The following UFM1 variants were observed in gnomAD, a reference collection of about 807,000 sequenced individuals.
UFM1 encodes ubiquitin-fold modifier 1.
UFM1 carries 9 observed loss-of-function variants against 15.4 expected under a neutral mutation model. The ratio of observed to expected loss-of-function variants is 0.59; its 90% CI spans 0.35 to 1.02. The LOEUF (loss-of-function observed/expected upper bound fraction) is 1.02. Ranked by LOEUF, UFM1 falls within the 50% of genes least tolerant of loss-of-function variation. The probability of loss-of-function intolerance (pLI) is 0.02; values close to 1 mark genes in which losing one functional copy is unlikely to be tolerated. For missense variants in UFM1, 98 were observed against 104.7 expected (o/e 0.94, Z 0.28); for synonymous variants, 27 against 36.3 (o/e 0.74, Z 0.92).
At chr13:38,354,619 A>T (rs1350241005) in intron 3 of UFM1, 2 of 196,088 alleles carry the variant, frequency 1.0e-5, no homozygotes, top group Non-Finnish European at 2.0e-5. Context: ...TATATTCTAT[A>T]TACTCATATT....
chr13:38,359,155 G>A, intron 4 of UFM1, 146 bp from the exon 5 acceptor site: 1 of 591,384 alleles, frequency 1.7e-6, no homozygotes, highest in Non-Finnish European at 2.9e-6. Flanking sequence ...TTACCTGAAA[G>A]ATTGTCACTC....
At chr13:38,350,218 G>C (rs750105365) in intron 2 of UFM1, 163 bp downstream of exon 2, 1 of 1,610,158 alleles carries the variant, frequency 6.2e-7, no homozygotes, top group Non-Finnish European at 8.5e-7. Context: ...ACCGGAGCCT[G>C]CGAGGAGAGG....
intron 3 of UFM1, among the ~76,000 whole-genome samples, chr13:38,357,664 A>T (rs1879168656): frequency 6.6e-6 from 1 of 152,026 alleles, no homozygotes; most frequent in African/African-American, 2.4e-5. Flanking sequence ...GTTGACTGGA[A>T]GCCTTACTGA....
At chr13:38,354,785 A>AT (rs981862673) in intron 3 of UFM1, 1 of 151,942 alleles carries the variant, frequency 6.6e-6, no homozygotes, top group East Asian at 1.9e-4. Context: ...ATAAGAAACA[A>AT]TTTTTTTCAT....
At chr13:38,355,256 G>C (rs1879044730) in intron 3 of UFM1, among the ~76,000 whole-genome samples, 1 of 151,956 alleles carries the variant, frequency 6.6e-6, no homozygotes, top group Non-Finnish European at 1.5e-5. Context: ...GTATTGTCAG[G>C]AATCACTAAC....
chr13:38,359,358 G>C (rs1286577843), intron 5 of UFM1, 25 bp downstream of exon 5: 1 of 1,610,352 alleles, frequency 6.2e-7, no homozygotes, highest in Non-Finnish European at 8.5e-7. Flanking sequence ...ACTCATAGAG[G>C]AGTGGGTGGG....
Position 38,349,857 on chromosome 13 carries a change from C to A in UFM1, c.-63C>A. The A allele has an allele frequency of 1.2e-6, 2 of 1,613,628 alleles. No individual in the cohort carries two copies. The highest frequency in any genetic ancestry group is 1.7e-6 in the Non-Finnish European group (2 of 1,179,590). On this transcript the variant is annotated 5_prime_UTR_variant, in exon 1 of 6. Transcript: ENST00000239878. Reference sequence around the variant, plus strand: ...GTGGAGCGGGGCGGTCCCCAGCACACTAGAGGAAGTCGTGCTACCCCCGCG... The same window carrying A: ...GTGGAGCGGGGCGGTCCCCAGCACAATAGAGGAAGTCGTGCTACCCCCGCG...
At chr13:38,350,243 C>T (rs746099519) in intron 2 of UFM1, 188 bp downstream of exon 2, 10 of 1,598,902 alleles carry the variant, frequency 6.3e-6, no homozygotes, top group Non-Finnish European at 7.7e-6. Context: ...TACTTGCTCG[C>T]TAAGTGTCAG....
chr13:38,360,854 G>A lies in UFM1; in HGVS notation c.*76G>A, dbSNP rs1287212883. The A allele has an allele frequency of 7.9e-7, 1 of 1,262,280 alleles. No individual in the cohort carries two copies. The highest frequency in any genetic ancestry group is 1.1e-6 in the Non-Finnish European group (1 of 872,240). The allele number at this position is 1,262,280 out of a possible 1,614,324, so 78.2% of individuals were successfully genotyped here. A position where few individuals can be genotyped will look rare whatever the true frequency, so the allele number is the denominator to read the frequency against. ...TTTTGTTGTTGTAAAATTGAAATCA[G>A]GCATTTAACATACTATGAAAACACC... On this transcript the variant is annotated 3_prime_UTR_variant, in exon 6 of 6. Coordinates refer to ENST00000239878, the MANE Select transcript of UFM1 (RefSeq NM_016617.4).
rs1186157239 is a variant in UFM1, at chr13:38,363,347, T to G, written c.*2569T>G. 1 of 152,184 alleles carries G rather than the reference T, an allele frequency of 6.6e-6. No individual in the cohort carries two copies. Among genetic ancestry groups the G allele is most frequent in the Non-Finnish European group, 1.5e-5 (1 of 68,040 alleles). The allele number at this position is 152,184 out of a possible 1,614,324, so 9.4% of individuals were successfully genotyped here. On this transcript the variant is annotated 3_prime_UTR_variant, in exon 6 of 6. Transcript: ENST00000239878. ...TAGGCCATACCAAATAGCCTAAGTT[T>G]GTAGTAGGTGACATCAACTAGGTTT... is the stretch of plus-strand genomic sequence containing the variant.
chr13:38,358,128 C>T lies in UFM1; in HGVS notation c.153C>T (p.Thr51=). Residue 51 remains threonine (T), a synonymous_variant, in exon 4 of 6, where the codon ACC becomes ACT. Transcript: ENST00000239878. ...CTGCTGCAACAAGTGCAATTATTACCAATGGTAAGAATTCACTATAAAATT... is the reference window on the plus strand; with the variant it reads ...CTGCTGCAACAAGTGCAATTATTACTAATGGTAAGAATTCACTATAAAATT... The part of the protein sequence containing the change: ...KVPAATSAII[T]NDGIGINPAQ... The T allele has an allele frequency of 2.1e-6, 3 of 1,438,626 alleles. No homozygotes were observed. Among genetic ancestry groups the T allele is most frequent in the Non-Finnish European group, 2.8e-6 (3 of 1,080,400 alleles). 89.1% of individuals were successfully genotyped at this position (1,438,626 alleles called of 1,614,324 possible).
intron 3 of UFM1, among the ~76,000 whole-genome samples, chr13:38,357,430 A>G (rs562291827): frequency 6.8e-4 from 103 of 151,964 alleles, no homozygotes; most frequent in African/African-American, 2.3e-3. Flanking sequence ...GTGGTTTTTC[A>G]TTTTTGTAAT....
chr13:38,358,817 AGT>A (rs1183881755), intron 4 of UFM1, among the ~76,000 whole-genome samples: 1 of 151,972 alleles, frequency 6.6e-6, no homozygotes, highest in Non-Finnish European at 1.5e-5. Context: ...GTCACATTGA[AGT>A]GTTTCTCTGT....
intron 2 of UFM1, among the ~76,000 whole-genome samples, chr13:38,351,684 A>G (rs1405021229): frequency 2.0e-5 from 3 of 152,184 alleles, no homozygotes; most frequent in Non-Finnish European, 4.4e-5. Context: ...TCAATATGCA[A>G]ATGTACTCGA....
chr13:38,362,805 T>C lies in UFM1; in HGVS notation c.*2027T>C, dbSNP rs560968544. 9 of 152,304 alleles carry C rather than the reference T, an allele frequency of 5.9e-5. No individual in the cohort carries two copies. Among genetic ancestry groups the C allele is most frequent in the Admixed American group, 3.3e-4 (5 of 15,298 alleles). The allele number at this position is 152,304 out of a possible 1,614,324, so 9.4% of individuals were successfully genotyped here. On this transcript the variant is annotated 3_prime_UTR_variant, in exon 6 of 6. Coordinates refer to ENST00000239878, the MANE Select transcript of UFM1 (RefSeq NM_016617.4). ...TGTTGTCCTGTGCCATAAAGTGATA[T>C]ATTTAATATTTTTATTCTTTGGTTT...
At chr13:38,356,701 CAAAA>C (rs35105286) in intron 3 of UFM1, among the ~76,000 whole-genome samples, 4 of 107,930 alleles carry the variant, frequency 3.7e-5, no homozygotes, top group Non-Finnish European at 7.1e-5. Flanking sequence ...TTAGTACCAC[CAAAA>C]AAAAAAAAAA....
intron 4 of UFM1, 29 bp from the exon 5 acceptor site, chr13:38,359,272 T>C (rs758863753): frequency 1.7e-5 from 27 of 1,601,316 alleles, no homozygotes; most frequent in Non-Finnish European, 2.1e-5. Context: ...TTAGAAATAA[T>C]GTATGTGATT....
chr13:38,350,261 G>C (rs764320402), intron 2 of UFM1: 43 of 1,572,856 alleles, frequency 2.7e-5, no homozygotes, highest in Admixed American at 3.7e-5. Context: ...CAGCTTGGCA[G>C]CTTGGCCCCG....
intron 2 of UFM1, among the ~76,000 whole-genome samples, chr13:38,350,924 A>T (rs1325576922): frequency 1.3e-5 from 2 of 152,194 alleles, no homozygotes; most frequent in Non-Finnish European, 2.9e-5. Flanking sequence ...TCAGGTGTTC[A>T]TGGTTGCAGC....
Sources: allele counts gnomAD v4.1 joint callset (sites outside exome capture counted in the v4.1 genomes callset), GRCh38; gene constraint gnomAD v4.1.1; transcripts MANE v1.5; gene names NCBI Gene and HGNC (gene_info 2026-07-23, HGNC 2026-07-21).